COPS4: variants seen among roughly 807,000 people sequenced by gnomAD.
The protein encoded by COPS4 is COP9 signalosome complex subunit 4.
A neutral mutation model predicts 55.1 loss-of-function variants in COPS4; 8 were observed. The observed-to-expected ratio is 0.15, with a 90% CI of 0.09 to 0.26. The LOEUF is 0.26. Among genes scored for constraint, COPS4 ranks in the 10% least tolerant of loss-of-function variants. The probability of loss-of-function intolerance (pLI) is 1.00; values close to 1 mark genes in which losing one functional copy is unlikely to be tolerated. For synonymous variants in COPS4, 185 were observed against 165.7 expected (o/e 1.12, Z -0.90); for missense variants, 248 against 484.0 (o/e 0.51, Z 4.58).
rs140283572 is a variant in COPS4 at position 83,045,942 on chromosome 4, A to G, written c.154+237A>G. ...AATAGCTGATAAGGGACAATATAGC[A>G]TAATAGTAAAGAGAATAGTTTGGAT... On this transcript the variant is annotated intron_variant, in intron 2 of 9. Coordinates refer to ENST00000264389, the MANE Select transcript of COPS4 (RefSeq NM_016129.3). Among the ~76,000 whole-genome samples, 486 of 152,332 alleles carry G rather than the reference A, an allele frequency of 3.2e-3. 3 individuals are homozygous for G. The highest frequency in any genetic ancestry group is 0.011 in the African/African-American group (462 of 41,598).
intron 1 of COPS4, among the ~76,000 whole-genome samples, chr4:83,042,113 C>T (rs1730583025): frequency 6.6e-6 from 1 of 152,120 alleles, no homozygotes; most frequent in Admixed American, 6.5e-5. Context: ...GATTGGCCCA[C>T]CTCAGCCTCC....
chr4:83,075,619 G>T lies in COPS4; in HGVS notation c.*189G>T. 5.5e-6 allele frequency: 3 copies of T among 544,272 alleles called. No individual in the cohort carries two copies. Among genetic ancestry groups the T allele is most frequent in the Non-Finnish European group, 9.0e-6 (3 of 332,334 alleles). 33.7% of individuals were successfully genotyped at this position (544,272 alleles called of 1,614,324 possible). The stretch of plus-strand genomic sequence containing the variant: ...AATATGTAGTTCCCATATATTTCAG[G>T]GTCTCTGTGTATTAAGCTAACTCAG... On this transcript the variant is annotated 3_prime_UTR_variant, in exon 10 of 10. Coordinates refer to ENST00000264389, the MANE Select transcript of COPS4 (RefSeq NM_016129.3).
At chr4:83,044,343 G>A (rs910187206) in intron 1 of COPS4, among the ~76,000 whole-genome samples, 3 of 151,672 alleles carry the variant, frequency 2.0e-5, no homozygotes, top group African/African-American at 7.3e-5. Context: ...TACTCTGGAG[G>A]CTGAGGCAGG....
intron 9 of COPS4, chr4:83,073,107 G>T (rs1578724687): frequency 4.0e-6 from 2 of 498,154 alleles, no homozygotes; most frequent in East Asian, 6.0e-5. Flanking sequence ...TTACAATGTT[G>T]TACAACCTCT....
At chr4:83,051,428 T>A (rs1730886612) in intron 4 of COPS4, among the ~76,000 whole-genome samples, 1 of 152,110 alleles carries the variant, frequency 6.6e-6, no homozygotes, top group Non-Finnish European at 1.5e-5. Context: ...CTGTCTTTTT[T>A]AAAAAAGGCT....
intron 6 of COPS4, among the ~76,000 whole-genome samples, chr4:83,058,296 C>T (rs1187022327): frequency 3.3e-5 from 5 of 152,204 alleles, no homozygotes; most frequent in African/African-American, 1.2e-4. Flanking sequence ...CTGCTTACTA[C>T]AGCCTCAATC....
chr4:83,042,054 G>A lies in COPS4; in HGVS notation c.75-3572G>A, dbSNP rs540978543. ...TAATTTTTGTATTTTTAGTAGAGAT[G>A]AGGTTTCACCATGTTGGCCAGGCTG... is the stretch of plus-strand genomic sequence containing the variant. On this transcript the variant is annotated intron_variant, in intron 1 of 9. Coordinates refer to ENST00000264389, the MANE Select transcript of COPS4 (RefSeq NM_016129.3). Among the ~76,000 whole-genome samples, 10 of 150,988 alleles carry A rather than the reference G, an allele frequency of 6.6e-5. No homozygotes were observed. In the South Asian group the frequency reaches 1.1e-3, roughly 16 times the overall value.
intron 1 of COPS4, among the ~76,000 whole-genome samples, chr4:83,038,533 T>A (rs1730481473): frequency 6.6e-6 from 1 of 152,246 alleles, no homozygotes; most frequent in Non-Finnish European, 1.5e-5. Flanking sequence ...CCTGTCTTCC[T>A]ACTGTTATTA....
At chr4:83,048,530 C>T (rs1157631570) in intron 2 of COPS4, among the ~76,000 whole-genome samples, 1 of 152,042 alleles carries the variant, frequency 6.6e-6, no homozygotes, top group African/African-American at 2.4e-5. Context: ...TGTGCCTTCA[C>T]TTTGTAGAAA....
At chr4:83,070,573 A>G (rs769504791) in intron 9 of COPS4, among the ~76,000 whole-genome samples, 6 of 152,108 alleles carry the variant, frequency 3.9e-5, no homozygotes, top group Admixed American at 2.0e-4. Context: ...AAATCCCTGA[A>G]GTGCTGGGAC....
chr4:83,051,248 T>A (rs897289717), intron 4 of COPS4, among the ~76,000 whole-genome samples: 13 of 151,678 alleles, frequency 8.6e-5, no homozygotes, highest in South Asian at 2.1e-4. Context: ...TACAAAAAAA[T>A]TTTTTTTTGT....
chr4:83,071,761 G>A (rs923989391), intron 9 of COPS4, among the ~76,000 whole-genome samples: 1 of 151,988 alleles, frequency 6.6e-6, no homozygotes, highest in Non-Finnish European at 1.5e-5. Flanking sequence ...TGCCAGACTG[G>A]AGTGCAGTGG....
chr4:83,053,055 G>C (rs1445058367), intron 4 of COPS4, among the ~76,000 whole-genome samples: 5 of 152,176 alleles, frequency 3.3e-5, no homozygotes, highest in Non-Finnish European at 7.3e-5. Context: ...AGGACTTGTT[G>C]AAGATCATAA....
chr4:83,061,269 C>T (rs565079553), intron 6 of COPS4, among the ~76,000 whole-genome samples: 46 of 152,104 alleles, frequency 3.0e-4, no homozygotes, highest in African/African-American at 1.1e-3. Flanking sequence ...TTTTCACAAA[C>T]TGAACACCTC....
intron 1 of COPS4, among the ~76,000 whole-genome samples, chr4:83,037,272 T>C (rs867199361): frequency 2.6e-5 from 4 of 152,308 alleles, no homozygotes; most frequent in Middle Eastern, 6.8e-3. Context: ...AGTTCTCTAG[T>C]ACTGGTCAAA....
At chr4:83,051,141 G>A (rs1051762236) in intron 4 of COPS4, among the ~76,000 whole-genome samples, 11 of 148,660 alleles carry the variant, frequency 7.4e-5, no homozygotes, top group Admixed American at 1.4e-4. Flanking sequence ...GCACATGCCT[G>A]TAGTCCTAGC....
intron 4 of COPS4, among the ~76,000 whole-genome samples, chr4:83,053,702 T>C (rs1730944556): frequency 6.6e-6 from 1 of 151,844 alleles, no homozygotes; most frequent in Non-Finnish European, 1.5e-5. Context: ...TTAGCCGGTG[T>C]GGTCTCATGT....
chr4:83,065,778 T>G (rs959914958), intron 7 of COPS4, among the ~76,000 whole-genome samples: 1 of 152,220 alleles, frequency 6.6e-6, no homozygotes, highest in Admixed American at 6.5e-5. Context: ...CCCAAAAGAA[T>G]AGAGATCACT....
intron 9 of COPS4, among the ~76,000 whole-genome samples, chr4:83,069,765 A>T (rs1731374269): frequency 6.6e-6 from 1 of 152,094 alleles, no homozygotes; most frequent in African/African-American, 2.4e-5. Flanking sequence ...TTAATTTTAG[A>T]TATAGATGTG....
Sources: allele counts gnomAD v4.1 joint callset (sites outside exome capture counted in the v4.1 genomes callset), GRCh38; gene constraint gnomAD v4.1.1; transcripts MANE v1.5; gene names NCBI Gene and HGNC (gene_info 2026-07-23, HGNC 2026-07-21).